Variants in TASP1 observed in about 807,000 individuals in gnomAD.
The protein encoded by TASP1 is threonine aspartase 1.
TASP1 carries 16 observed loss-of-function variants against 56.6 expected under a neutral mutation model. The observed-to-expected ratio is 0.28, with a 90% CI of 0.19 to 0.43. TASP1 has a LOEUF of 0.43. Ranked by LOEUF, TASP1 falls within the 20% of genes least tolerant of loss-of-function variation. The pLI, the probability that TASP1 is intolerant of heterozygous loss-of-function variation, is 1.00. For missense variants in TASP1, 393 were observed against 511.6 expected, an observed-to-expected ratio of 0.77 and a Z score of 2.24; for synonymous variants, 179 against 184.2, an observed-to-expected ratio of 0.97 and a Z score of 0.23.
At chr20:13,148,200 CA>C in the TASP1 span, among the ~76,000 whole-genome samples, 1 of 152,152 alleles carries the variant, frequency 6.6e-6, no homozygotes, top group Non-Finnish European at 1.5e-5. Flanking sequence ...TAGGCAACTG[CA>C]AAGCTTTGTA....
At chr20:13,588,305 GGA>G (rs2047392107) in intron 4 of TASP1, among the ~76,000 whole-genome samples, 6 of 110,808 alleles carry the variant, frequency 5.4e-5, no homozygotes, top group African/African-American at 9.7e-5. Context: ...AAGGAAGGAA[GGA>G]AGAGAAAGAA....
chr20:13,358,842 A>G, the TASP1 span, among the ~76,000 whole-genome samples: 1 of 147,800 alleles, frequency 6.8e-6, no homozygotes, highest in Non-Finnish European at 1.5e-5. Flanking sequence ...CCTTAGCGGC[A>G]AGTCCCGCTT....
At chr20:13,198,283 T>G in the TASP1 span, among the ~76,000 whole-genome samples, 1 of 152,186 alleles carries the variant, frequency 6.6e-6, no homozygotes, top group African/African-American at 2.4e-5. Context: ...AGACTGGAAG[T>G]CTGAGATTGA....
the TASP1 span, among the ~76,000 whole-genome samples, chr20:13,307,396 A>T: frequency 6.6e-6 from 1 of 152,184 alleles, no homozygotes; most frequent in Admixed American, 6.5e-5. Flanking sequence ...CCATACCAAC[A>T]CCAAGAAAAA....
chr20:13,469,792 C>CTTT (rs546419566), intron 11 of TASP1, among the ~76,000 whole-genome samples: 556 of 39,554 alleles, frequency 0.014, 132 homozygotes, highest in Middle Eastern at 0.071. Context: ...AATAAATGTC[C>CTTT]TTTTTTTTTT....
At chr20:13,156,075 C>A in the TASP1 span, among the ~76,000 whole-genome samples, 2 of 152,180 alleles carry the variant, frequency 1.3e-5, no homozygotes, top group Non-Finnish European at 2.9e-5. Flanking sequence ...CACACACACA[C>A]ACACAGACAC....
chr20:13,263,077 G>A, the TASP1 span, among the ~76,000 whole-genome samples: 1 of 152,270 alleles, frequency 6.6e-6, no homozygotes, highest in African/African-American at 2.4e-5. Context: ...AGCAAAGACT[G>A]AAGCATACGT....
At chr20:13,155,118 T>C in the TASP1 span, among the ~76,000 whole-genome samples, 1 of 151,840 alleles carries the variant, frequency 6.6e-6, no homozygotes, top group African/African-American at 2.4e-5. Flanking sequence ...GAGGCAGAGG[T>C]TGCATGAGCA....
At chr20:13,117,761 G>A in the TASP1 span, 1 of 1,564,504 alleles carries the variant, frequency 6.4e-7, no homozygotes, top group Non-Finnish European at 8.7e-7. Flanking sequence ...TTTAAAACCT[G>A]AGCGCCCTGG....
At chr20:13,552,457 G>A (rs1269068302) in intron 8 of TASP1, among the ~76,000 whole-genome samples, 5 of 152,150 alleles carry the variant, frequency 3.3e-5, no homozygotes, top group African/African-American at 4.8e-5. Flanking sequence ...GAAGTTATAC[G>A]AGAAATAAGT....
At chr20:13,268,228 CTTCTATTCT>C in the TASP1 span, among the ~76,000 whole-genome samples, 2 of 150,258 alleles carry the variant, frequency 1.3e-5, no homozygotes, top group African/African-American at 4.9e-5. Flanking sequence ...CTCTTTCTCT[CTTCTATTCT>C]TTCTCTTCTC....
the TASP1 span, among the ~76,000 whole-genome samples, chr20:13,147,458 C>T: frequency 1.1e-3 from 172 of 152,174 alleles, 1 homozygote; most frequent in Middle Eastern, 6.8e-3. Flanking sequence ...AAATAACAGA[C>T]GCTGGCTTCC....
intron 8 of TASP1, among the ~76,000 whole-genome samples, chr20:13,546,839 C>T (rs1490374404): frequency 6.6e-6 from 1 of 152,176 alleles, no homozygotes; most frequent in East Asian, 1.9e-4. Context: ...TATCTTACAT[C>T]TCTATAATGT....
At chr20:13,539,841 C>A (rs2045557428) in intron 8 of TASP1, among the ~76,000 whole-genome samples, 1 of 152,110 alleles carries the variant, frequency 6.6e-6, no homozygotes, top group Admixed American at 6.6e-5. Flanking sequence ...CAACAGTTTT[C>A]ATCTTGGTTT....
the TASP1 span, chr20:13,299,565 ATTTG>A: frequency 7.0e-6 from 7 of 1,004,126 alleles, no homozygotes; most frequent in South Asian, 1.5e-5. This position sits in a 1 kb window ranked among gnomAD's most constrained non-coding sequence, Gnocchi z 5.8. Flanking sequence ...GGTCGTGTAT[ATTTG>A]TATATACCAC....
intron 12 of TASP1, among the ~76,000 whole-genome samples, chr20:13,429,328 A>C (rs904021447): frequency 1.3e-5 from 2 of 152,216 alleles, no homozygotes; most frequent in Non-Finnish European, 2.9e-5. Flanking sequence ...GCACAGCAAG[A>C]GCATATGCAA....
Position 13,473,286 on chromosome 20 carries a change from A to G in TASP1, c.985+9941T>C, listed in dbSNP as rs184257623. Among the ~76,000 whole-genome samples the G allele has an allele frequency of 5.1e-3, 769 of 150,402 alleles. 4 individuals are homozygous for G. The highest frequency in any genetic ancestry group is 0.012 in the East Asian group (60 of 4,982). On this transcript the variant is annotated intron_variant, in intron 11 of 13. Transcript: ENST00000337743. ...CTCACTCATAGGTGGGAACTGAACA[A>G]TGAGAACACATGGACACAGGAAGTG...
At chr20:13,374,339 C>T in the TASP1 span, among the ~76,000 whole-genome samples, 1 of 143,872 alleles carries the variant, frequency 7.0e-6, no homozygotes, top group Non-Finnish European at 1.5e-5. Flanking sequence ...GTTTCTTTTG[C>T]TGTCTCGTAA....
At chr20:13,149,039 T>A in the TASP1 span, among the ~76,000 whole-genome samples, 1 of 152,200 alleles carries the variant, frequency 6.6e-6, no homozygotes, top group Non-Finnish European at 1.5e-5. Flanking sequence ...GGAGTTTGAT[T>A]CCCATTCCAC....
Sources: allele counts gnomAD v4.1 joint callset (sites outside exome capture counted in the v4.1 genomes callset), GRCh38; gene constraint gnomAD v4.1.1; non-coding constraint Gnocchi (gnomAD v3.1); transcripts MANE v1.5; gene names NCBI Gene and HGNC (gene_info 2026-07-23, HGNC 2026-07-21).